Variants in DNAH11 observed in about 807,000 individuals in gnomAD.
The protein encoded by DNAH11 is dynein axonemal heavy chain 11, also known as axonemal beta dynein heavy chain 11.
DNAH11 carries 442 observed loss-of-function variants against 526.0 expected under a neutral mutation model. The observed-to-expected ratio is 0.84, with a 90% CI of 0.78 to 0.91. The LOEUF is 0.91. Among genes scored for constraint, DNAH11 ranks in the 40% least tolerant of loss-of-function variants. The pLI is 0.00. For synonymous variants in DNAH11, 2,461 were observed against 1,935.9 expected (o/e 1.27, Z -7.12); for missense variants, 6,989 against 5,448.7 (o/e 1.28, Z -8.90).
At chr7:21,673,046 G>A (rs761663182) in intron 30 of DNAH11, among the ~76,000 whole-genome samples, 3 of 151,862 alleles carry the variant, frequency 2.0e-5, no homozygotes, top group Admixed American at 6.6e-5. Context: ...TTTTTTTCAC[G>A]GTGTGTGACA....
At chr7:21,891,728 T>TG (rs1784333505) in intron 76 of DNAH11, among the ~76,000 whole-genome samples, 1 of 152,144 alleles carries the variant, frequency 6.6e-6, no homozygotes, top group Non-Finnish European at 1.5e-5. Flanking sequence ...AGTAGGTAAC[T>TG]GTGTATTGAG....
chr7:21,750,350 C>T lies in DNAH11; in HGVS notation c.8926C>T (p.Arg2976Ter), dbSNP rs1298378020. ...TTGGAAATTCTTTATGGCCAGGGTG[C>T]GACTACAGCTCAAAGTAAGAAATAC... is the stretch of plus-strand genomic sequence containing the variant. ...NCWKFFMARV[R>*]LQLKIILCFS... Residue 2976 changes from arginine (R) to a stop codon, truncating the protein, a stop_gained, in exon 54 of 82, where the codon CGA becomes TGA. Coordinates refer to ENST00000409508, the MANE Select transcript of DNAH11 (RefSeq NM_001277115.2). LOFTEE classifies it high-confidence loss of function. The T allele has an allele frequency of 6.2e-6, 10 of 1,602,864 alleles. No individual in the cohort carries two copies. The highest frequency in any genetic ancestry group is 2.3e-5 in the South Asian group (2 of 88,592).
Position 21,564,323 on chromosome 7 carries a change from C to A in DNAH11, c.1120C>A (p.His374Asn). ...LFHTICLIWS[H>N]SKFYNTPARV... Reference sequence around the variant, plus strand: ...TCATACCATCTGTCTGATCTGGAGTCATTCCAAGTTTTATAACACCCCAGC... The same window carrying A: ...TCATACCATCTGTCTGATCTGGAGTAATTCCAAGTTTTATAACACCCCAGC... Residue 374 changes from histidine (H) to asparagine (N), a missense_variant, in exon 6 of 82, where the codon CAT becomes AAT. His to Asn is a moderately conservative substitution (Grantham distance 68, BLOSUM62 1). Transcript: ENST00000409508. The A allele has an allele frequency of 6.2e-7, 1 of 1,613,582 alleles. No homozygotes were observed. Among genetic ancestry groups the A allele is most frequent in the South Asian group, 1.1e-5 (1 of 91,042 alleles).
chr7:21,822,957 CTTTTTTTTTTTTTTTTTT>C (rs67284255), intron 65 of DNAH11, among the ~76,000 whole-genome samples: 2 of 60,568 alleles, frequency 3.3e-5, no homozygotes, highest in African/African-American at 7.4e-5. Flanking sequence ...AGATTATTTG[CTTTTTTTTTTTTTTTTTT>C]TTTTTTTTTG....
chr7:21,692,790 A>C (rs1455118969), intron 35 of DNAH11, among the ~76,000 whole-genome samples: 1 of 152,172 alleles, frequency 6.6e-6, no homozygotes, highest in African/African-American at 2.4e-5. Flanking sequence ...CCTCACCATC[A>C]ATGCATGAGA....
At position 21,705,528 on chromosome 7, in the gene DNAH11, A is replaced by G. The variant is rs1784230730; in HGVS notation, c.6537A>G (p.Gly2179=). 1.2e-6 allele frequency: 2 copies of G among 1,613,574 alleles called. No individual in the cohort carries two copies. Among genetic ancestry groups the G allele is most frequent in the African/African-American group, 2.7e-5 (2 of 75,034 alleles). The change falls in exon 39 of 82, where the codon GGA becomes GGG. Residue 2179 remains glycine (G), a synonymous_variant. Transcript: ENST00000409508. ...TTGTAGTTGGAAATGCAGGCACAGG[A>G]AAGAGTAAGGTATAGTAAATTGCCT... ...SVFVVGNAGT[G]KSKILRTLNR...
chr7:21,741,974 A>G lies in DNAH11; in HGVS notation c.7962A>G (p.Leu2654=), dbSNP rs747907976. The part of the protein sequence containing the change: ...FAFNFPSLDA[L]NTIYGQIFSF... ...TCAATTTTCCATCTTTGGATGCACT[A>G]AACACCATCTATGGCCAAATCTTTA... Residue 2654 remains leucine, a synonymous_variant, in exon 49 of 82, where the codon CTA becomes CTG. Transcript: ENST00000409508. The G allele has an allele frequency of 1.2e-6, 2 of 1,613,908 alleles. No individual in the cohort carries two copies. The highest frequency in any genetic ancestry group is 1.3e-5 in the African/African-American group (1 of 75,038).
intron 66 of DNAH11, among the ~76,000 whole-genome samples, chr7:21,849,964 T>C (rs1782560076): frequency 6.6e-6 from 1 of 151,368 alleles, no homozygotes; most frequent in Non-Finnish European, 1.5e-5. Flanking sequence ...TATTCTTTCC[T>C]TTTTAATTTT....
intron 54 of DNAH11, among the ~76,000 whole-genome samples, chr7:21,754,457 A>G (rs1364253588): frequency 2.0e-5 from 3 of 151,920 alleles, no homozygotes; most frequent in African/African-American, 2.4e-5. Flanking sequence ...TGAAACTGAG[A>G]TCAGTTTTAT....
At position 21,571,983 on chromosome 7, in the gene DNAH11, T is replaced by G; in HGVS notation, c.1593+10T>G. The G allele has an allele frequency of 6.6e-7, 1 of 1,507,314 alleles. No individual in the cohort carries two copies. Among genetic ancestry groups the G allele is most frequent in the Non-Finnish European group, 8.8e-7 (1 of 1,130,776 alleles). The allele number at this position is 1,507,314 out of a possible 1,614,324, so 93.4% of individuals were successfully genotyped here. On this transcript the variant is annotated intron_variant, in intron 8 of 81. Coordinates refer to ENST00000409508, the MANE Select transcript of DNAH11 (RefSeq NM_001277115.2). ...TGATTGCACTAACATGGTAATGTTG[T>G]ACCTTTGCATTTTCATTGCATGGGA...
intron 30 of DNAH11, among the ~76,000 whole-genome samples, chr7:21,673,628 C>T (rs1440439508): frequency 2.0e-5 from 3 of 152,140 alleles, no homozygotes; most frequent in East Asian, 1.9e-4. Context: ...CCTGTTTCTT[C>T]GGTTTCTCGC....
At chr7:21,887,378 A>C (rs1784163965) in intron 76 of DNAH11, among the ~76,000 whole-genome samples, 1 of 152,232 alleles carries the variant, frequency 6.6e-6, no homozygotes, top group Non-Finnish European at 1.5e-5. Flanking sequence ...ACAGTAAATC[A>C]CTTTCAGAGA....
At chr7:21,634,666 T>A (rs1203376017) in intron 25 of DNAH11, among the ~76,000 whole-genome samples, 1 of 151,832 alleles carries the variant, frequency 6.6e-6, no homozygotes, top group Non-Finnish European at 1.5e-5. Context: ...TAGTTGAGAG[T>A]GGAGGGCAGG....
At chr7:21,650,061 T>C (rs369149445) in intron 28 of DNAH11, among the ~76,000 whole-genome samples, 1 of 152,284 alleles carries the variant, frequency 6.6e-6, no homozygotes, top group East Asian at 1.9e-4. Context: ...CCCATTTTTC[T>C]GCATATATGT....
intron 30 of DNAH11, among the ~76,000 whole-genome samples, chr7:21,671,519 G>A (rs1324746545): frequency 6.6e-6 from 1 of 151,986 alleles, no homozygotes. Flanking sequence ...TTCATTTCTG[G>A]GGTTCGTAAT....
At chr7:21,586,959 C>A (rs771857969) in intron 9 of DNAH11, among the ~76,000 whole-genome samples, 4 of 152,160 alleles carry the variant, frequency 2.6e-5, no homozygotes, top group Non-Finnish European at 5.9e-5. Flanking sequence ...CTAGCTGTTA[C>A]GAATTTGGGA....
rs11773662 is a variant in DNAH11, at chr7:21,867,809, T to C, written c.11691-50T>C. The C allele has an allele frequency of 0.054, 83,418 of 1,537,836 alleles. 2,948 individuals are homozygous for C. The highest frequency in any genetic ancestry group is 0.057 in the Non-Finnish European group (64,817 of 1,135,586). On this transcript the variant is annotated intron_variant, in intron 71 of 81. Coordinates refer to ENST00000409508, the MANE Select transcript of DNAH11 (RefSeq NM_001277115.2). ...TTAAGCTTATCCAAATGGTGACTCTTTTCAAGGTCAAAACCACTGATCATG... is the reference window on the plus strand; with the variant it reads ...TTAAGCTTATCCAAATGGTGACTCTCTTCAAGGTCAAAACCACTGATCATG...
Position 21,671,744 on chromosome 7 carries a change from A to G in DNAH11, c.5329-9802A>G, listed in dbSNP as rs139977342. On this transcript the variant is annotated intron_variant, in intron 30 of 81. Coordinates refer to ENST00000409508, the MANE Select transcript of DNAH11 (RefSeq NM_001277115.2). ...TTCAAGTTTCTTACAGTGGGCGTTT[A>G]TTGACTTTATACCTTTTTCTTTTCT... Among the ~76,000 whole-genome samples the G allele has an allele frequency of 2.0e-5, 3 of 152,176 alleles. No individual in the cohort carries two copies. The East Asian group carries it at 5.8e-4, about 29-fold the overall frequency.
At chr7:21,639,097 CTG>C (rs1787004989) in intron 28 of DNAH11, 32 bp downstream of exon 28, 2 of 1,574,990 alleles carry the variant, frequency 1.3e-6, no homozygotes, top group Non-Finnish European at 1.7e-6. Flanking sequence ...TCGTATTATA[CTG>C]TGTTAGCTGA....
Sources: allele counts gnomAD v4.1 joint callset (sites outside exome capture counted in the v4.1 genomes callset), GRCh38; gene constraint gnomAD v4.1.1; transcripts MANE v1.5; gene names NCBI Gene and HGNC (gene_info 2026-07-23, HGNC 2026-07-21).